COX7B2: variants seen among roughly 807,000 people sequenced by gnomAD.
COX7B2 encodes cytochrome c oxidase subunit 7B2, mitochondrial.
For synonymous variants in COX7B2, 37 were observed against 32.1 expected (o/e 1.15, Z -0.51); for missense variants, 109 against 95.9 (o/e 1.14, Z -0.57).
At chr4:46,808,261 G>C (rs1304289546) in intron 2 of COX7B2, among the ~76,000 whole-genome samples, 2 of 151,430 alleles carry the variant, frequency 1.3e-5, no homozygotes, top group Admixed American at 1.3e-4. Flanking sequence ...ATTTGTTCTT[G>C]TATATTTTTT....
chr4:46,747,373 G>T (rs190745237), intron 2 of COX7B2, among the ~76,000 whole-genome samples: 1 of 151,608 alleles, frequency 6.6e-6, no homozygotes, highest in Admixed American at 6.6e-5. Context: ...GTGCAATCTC[G>T]GCTCACTGCA....
chr4:46,741,912 T>C (rs906672364), intron 2 of COX7B2, among the ~76,000 whole-genome samples: 1 of 152,124 alleles, frequency 6.6e-6, no homozygotes. Flanking sequence ...ATCAGAAATA[T>C]TTATGGAACA....
chr4:46,847,671 C>T (rs1716380872), intron 1 of COX7B2, among the ~76,000 whole-genome samples: 1 of 151,996 alleles, frequency 6.6e-6, no homozygotes, highest in African/African-American at 2.4e-5. Flanking sequence ...CCAGCATTTG[C>T]AGGCAAGGGA....
At chr4:46,788,626 A>G (rs1250594064) in intron 2 of COX7B2, among the ~76,000 whole-genome samples, 2 of 152,204 alleles carry the variant, frequency 1.3e-5, no homozygotes, top group Non-Finnish European at 2.9e-5. Context: ...ATCTACATAC[A>G]TATTTACAGA....
intron 2 of COX7B2, among the ~76,000 whole-genome samples, chr4:46,780,493 G>C (rs978348233): frequency 1.2e-4 from 19 of 152,124 alleles, no homozygotes; most frequent in African/African-American, 4.3e-4. Flanking sequence ...CTCCAGCCTG[G>C]GTGACAGAGA....
At chr4:46,756,155 C>A (rs183864763) in intron 2 of COX7B2, among the ~76,000 whole-genome samples, 2 of 152,100 alleles carry the variant, frequency 1.3e-5, no homozygotes, top group East Asian at 3.9e-4. Flanking sequence ...AGAAATAAAG[C>A]CACTTGTCTA....
chr4:46,905,878 G>A (rs1315289650), intron 1 of COX7B2, among the ~76,000 whole-genome samples: 14 of 128,948 alleles, frequency 1.1e-4, no homozygotes, highest in African/African-American at 3.5e-4. Flanking sequence ...GCCGGACTGC[G>A]GACTGCAGTG....
chr4:46,811,838 T>A (rs1719301170), intron 2 of COX7B2, among the ~76,000 whole-genome samples: 1 of 152,186 alleles, frequency 6.6e-6, no homozygotes, highest in Non-Finnish European at 1.5e-5. Flanking sequence ...CAACTCTCCA[T>A]GTGGACCCAG....
intron 1 of COX7B2, among the ~76,000 whole-genome samples, chr4:46,908,691 C>T (rs1024546429): frequency 6.8e-6 from 1 of 146,354 alleles, no homozygotes; most frequent in Non-Finnish European, 1.5e-5. Flanking sequence ...CAAAATATAA[C>T]GTCTTTCCAT....
chr4:46,818,990 T>C (rs181878153), intron 2 of COX7B2, among the ~76,000 whole-genome samples: 168 of 152,340 alleles, frequency 1.1e-3, no homozygotes, highest in Non-Finnish European at 1.5e-3. Flanking sequence ...GGGTGCTCGA[T>C]AACTATTTTT....
At chr4:46,862,014 G>C (rs1044659581) in intron 1 of COX7B2, among the ~76,000 whole-genome samples, 2 of 152,082 alleles carry the variant, frequency 1.3e-5, no homozygotes, top group Admixed American at 6.5e-5. Context: ...CCCCTGACTT[G>C]ATGGACAACT....
At chr4:46,907,847 A>ATTT (rs1308450950) in intron 1 of COX7B2, among the ~76,000 whole-genome samples, 4 of 67,238 alleles carry the variant, frequency 5.9e-5, no homozygotes, top group Non-Finnish European at 9.6e-5. Context: ...ATTTGAGCAG[A>ATTT]CTTTTTTTTT....
chr4:46,864,159 G>A (rs181458539), intron 1 of COX7B2, among the ~76,000 whole-genome samples: 37 of 152,250 alleles, frequency 2.4e-4, no homozygotes, highest in African/African-American at 7.9e-4. Flanking sequence ...GATCCCCCAA[G>A]GATGAATTTC....
At chr4:46,906,281 T>G (rs1243598297) in intron 1 of COX7B2, among the ~76,000 whole-genome samples, 1 of 152,206 alleles carries the variant, frequency 6.6e-6, no homozygotes, top group Non-Finnish European at 1.5e-5. Context: ...GAATTGAAGC[T>G]GCAACTGATG....
At chr4:46,792,350 T>C (rs1191621016) in intron 2 of COX7B2, among the ~76,000 whole-genome samples, 1 of 152,208 alleles carries the variant, frequency 6.6e-6, no homozygotes, top group African/African-American at 2.4e-5. Flanking sequence ...GGTTTGTTTA[T>C]GAGGGCATTT....
chr4:46,769,134 T>TA (rs1281410025), intron 2 of COX7B2, among the ~76,000 whole-genome samples: 3 of 151,878 alleles, frequency 2.0e-5, no homozygotes, highest in African/African-American at 4.8e-5. Context: ...ATAATAATAA[T>TA]AAAATTTTTT....
At chr4:46,746,460 T>C (rs1298799206) in intron 2 of COX7B2, among the ~76,000 whole-genome samples, 3 of 152,172 alleles carry the variant, frequency 2.0e-5, no homozygotes, top group Non-Finnish European at 4.4e-5. Flanking sequence ...AAGTGGAGCA[T>C]GGAGTACGCT....
chr4:46,825,960 T>C (rs1714661894), intron 2 of COX7B2, among the ~76,000 whole-genome samples: 1 of 152,158 alleles, frequency 6.6e-6, no homozygotes, highest in Admixed American at 6.6e-5. Context: ...ATCCTGGACA[T>C]AAGAATGGGC....
At chr4:46,775,500 C>T (rs1717108183) in intron 2 of COX7B2, among the ~76,000 whole-genome samples, 1 of 152,064 alleles carries the variant, frequency 6.6e-6, no homozygotes, top group African/African-American at 2.4e-5. Flanking sequence ...AAATCTTTTA[C>T]TATTTAGTGA....
Sources: allele counts gnomAD v4.1 joint callset (sites outside exome capture counted in the v4.1 genomes callset), GRCh38; gene constraint gnomAD v4.1.1; transcripts MANE v1.5; gene names NCBI Gene and HGNC (gene_info 2026-07-23, HGNC 2026-07-21).